JMJD1C: variants seen among roughly 807,000 people sequenced by gnomAD.
JMJD1C encodes jumonji domain containing 1C.
JMJD1C carries 31 observed loss-of-function variants against 245.3 expected under a neutral mutation model. The ratio of observed to expected loss-of-function variants is 0.13; its 90% CI spans 0.09 to 0.17. The LOEUF (loss-of-function observed/expected upper bound fraction) is 0.17. JMJD1C is among the 10% of genes least tolerant of loss of function. JMJD1C has a pLI of 1.00. For synonymous variants in JMJD1C, 1,057 were observed against 1,017.4 expected (o/e 1.04, Z -0.74); for missense variants, 2,691 against 3,000.2 (o/e 0.90, Z 2.41).
In JMJD1C at chr10:63,387,629, A is replaced by ATTTTTTTTTTT. The variant is rs71025169; in HGVS notation, c.169-7158_169-7148dup. Among the ~76,000 whole-genome samples the ATTTTTTTTTTT allele has an allele frequency of 5.8e-4, 22 of 37,864 alleles. 5 individuals carry two copies. The highest frequency in any genetic ancestry group is 2.0e-3 in the East Asian group (2 of 1,020). 24.8% of individuals were successfully genotyped at this position (37,864 alleles called of 152,430 possible). On this transcript the variant is annotated intron_variant, in intron 1 of 25. Coordinates refer to ENST00000399262, the MANE Select transcript of JMJD1C (RefSeq NM_032776.3). Reference sequence around the variant, plus strand: ...AGTCAGAAGAAAAAAGAAAAAAAAAATTTTTTTTTTTTTTTTTTTTTTTTG... The same window carrying ATTTTTTTTTTT: ...AGTCAGAAGAAAAAAGAAAAAAAAAATTTTTTTTTTTTTTTTTTTTTTTTTTTTTTTTTTTG...
intron 1 of JMJD1C, among the ~76,000 whole-genome samples, chr10:63,459,822 TAAGTAA>T (rs1952659388): frequency 6.6e-6 from 1 of 152,176 alleles, no homozygotes; most frequent in East Asian, 1.9e-4. Flanking sequence ...ACTTAAACCT[TAAGTAA>T]ATTTATTCTC....
intron 1 of JMJD1C, among the ~76,000 whole-genome samples, chr10:63,494,909 C>A (rs1954305764): frequency 6.6e-6 from 1 of 152,186 alleles, no homozygotes; most frequent in Non-Finnish European, 1.5e-5. Flanking sequence ...TTCCTCAAAG[C>A]TGAGGTCAAG....
At chr10:63,467,769 A>G (rs1322739938), upstream of JMJD1C, among the ~76,000 whole-genome samples, 1 of 152,248 alleles carries the variant, frequency 6.6e-6, no homozygotes, top group Non-Finnish European at 1.5e-5. Flanking sequence ...ATAAAAGAGT[A>G]GGGAGATCAA....
chr10:63,316,583 G>A (rs1246596938), intron 2 of JMJD1C, among the ~76,000 whole-genome samples: 1 of 152,110 alleles, frequency 6.6e-6, no homozygotes, highest in African/African-American at 2.4e-5. Context: ...AAGTAGCTGA[G>A]ATCCCAGGTG....
At chr10:63,346,956 A>T (rs1175653312) in intron 2 of JMJD1C, among the ~76,000 whole-genome samples, 1 of 151,480 alleles carries the variant, frequency 6.6e-6, no homozygotes, top group Non-Finnish European at 1.5e-5. Context: ...GTCCCCCTAC[A>T]CCCCCGGCCC....
chr10:63,441,894 G>A (rs1951411554), intron 1 of JMJD1C, among the ~76,000 whole-genome samples: 1 of 152,084 alleles, frequency 6.6e-6, no homozygotes, highest in Non-Finnish European at 1.5e-5. Flanking sequence ...TCTTCTCAAT[G>A]TTAACAGCGT....
rs768606002 is a variant in JMJD1C, at chr10:63,259,729, G to T, written c.447+4922C>A. On this transcript the variant is annotated intron_variant, in intron 3 of 25. Coordinates refer to ENST00000399262, the MANE Select transcript of JMJD1C (RefSeq NM_032776.3). Reference sequence around the variant, plus strand: ...AGTCTTTAAGCAATCTTTAGTCCAGGTACTAAGAAAATACTCAGGTTTGTT... The same window carrying T: ...AGTCTTTAAGCAATCTTTAGTCCAGTTACTAAGAAAATACTCAGGTTTGTT... Among the ~76,000 whole-genome samples, 62 of 152,112 alleles carry T rather than the reference G, an allele frequency of 4.1e-4. 1 individual carries two copies. The highest frequency in any genetic ancestry group is 7.4e-4 in the Non-Finnish European group (50 of 68,018).
At chr10:63,189,947 G>A (rs986244534) in intron 17 of JMJD1C, among the ~76,000 whole-genome samples, 1 of 150,454 alleles carries the variant, frequency 6.6e-6, no homozygotes, top group Non-Finnish European at 1.5e-5. Flanking sequence ...CTAGAGTGCA[G>A]TGGTGTGATC....
At chr10:63,389,311 C>CA (rs1185397734) in intron 1 of JMJD1C, among the ~76,000 whole-genome samples, 19,025 of 63,318 alleles carry the variant, frequency 0.3, 2,238 homozygotes, top group Non-Finnish European at 0.36. Context: ...GACCCTGTCT[C>CA]AAAAAAAAAA....
rs1046197494 is a variant in JMJD1C at position 63,184,758 on chromosome 10, C to T, written c.6831-20G>A. The T allele has an allele frequency of 1.9e-6, 3 of 1,589,608 alleles. No homozygotes were observed. The highest frequency in any genetic ancestry group is 2.6e-6 in the Non-Finnish European group (3 of 1,169,766). On this transcript the variant is annotated intron_variant, in intron 20 of 25. Transcript: ENST00000399262. The stretch of plus-strand genomic sequence containing the variant: ...TCGTATCTGAAGAAAAACAACATTG[C>T]CTTCTTATAAATAAAGATTTGCATT...
At chr10:63,223,227 CTG>C (rs1491442405) in intron 3 of JMJD1C, among the ~76,000 whole-genome samples, 4 of 105,382 alleles carry the variant, frequency 3.8e-5, no homozygotes, top group Admixed American at 1.0e-4. Context: ...TTTTTCTGTG[CTG>C]TTTTTTTTTT....
intron 1 of JMJD1C, among the ~76,000 whole-genome samples, chr10:63,401,686 TATAA>T (rs1948866045): frequency 6.6e-6 from 1 of 152,164 alleles, no homozygotes; most frequent in South Asian, 2.1e-4. Context: ...GGGATTGTTT[TATAA>T]ATATCTCCTA....
intron 2 of JMJD1C, among the ~76,000 whole-genome samples, chr10:63,342,048 T>G (rs1446291504): frequency 6.6e-6 from 1 of 152,192 alleles, no homozygotes; most frequent in African/African-American, 2.4e-5. Context: ...GTGTGTCAAG[T>G]GAGAAAAAAG....
intron 1 of JMJD1C, among the ~76,000 whole-genome samples, chr10:63,409,593 TG>T (rs1564890013): frequency 6.6e-6 from 1 of 152,152 alleles, no homozygotes; most frequent in East Asian, 1.9e-4. Flanking sequence ...TCTGGGTCAG[TG>T]GAAGAATGAC....
rs192944197 is a variant in JMJD1C at position 63,229,567 on chromosome 10, A to G, written c.448-9584T>C. 2.6e-5 allele frequency among the ~76,000 whole-genome samples: 4 copies of G among 152,304 alleles called. No homozygotes were observed. The East Asian group carries it at 5.8e-4, about 22-fold the overall frequency. ...TAAATTATTTACATTCTGCAACTAG[A>G]TGAGACAAATTTAGTTTCTGAATAG... is the stretch of plus-strand genomic sequence containing the variant. On this transcript the variant is annotated intron_variant, in intron 3 of 25. Transcript: ENST00000399262.
chr10:63,193,531 T>A (rs1358934410), intron 14 of JMJD1C, 59 bp from the exon 15 acceptor site: 5 of 1,275,296 alleles, frequency 3.9e-6, no homozygotes, highest in Admixed American at 2.5e-5. Context: ...TGCTGTAAAA[T>A]TTTTTTCTTA....
chr10:63,494,734 T>C (rs1370662370), intron 1 of JMJD1C, among the ~76,000 whole-genome samples: 1 of 152,226 alleles, frequency 6.6e-6, no homozygotes, highest in Non-Finnish European at 1.5e-5. Flanking sequence ...ATTGTATTAT[T>C]ACTGACAGAG....
chr10:63,443,533 A>G (rs1951516712), intron 1 of JMJD1C, among the ~76,000 whole-genome samples: 1 of 151,940 alleles, frequency 6.6e-6, no homozygotes, highest in South Asian at 2.1e-4. Flanking sequence ...CTGGTCTCAA[A>G]CTCCTGAGCT....
intron 1 of JMJD1C, among the ~76,000 whole-genome samples, chr10:63,507,663 A>AAAAAAAAAAAC (rs55674385): frequency 2.0e-5 from 3 of 150,918 alleles, no homozygotes; most frequent in Non-Finnish European, 4.4e-5. Flanking sequence ...AAAAAAAAAA[A>AAAAAAAAAAAC]CAGTGGCTGT....
Sources: allele counts gnomAD v4.1 joint callset (sites outside exome capture counted in the v4.1 genomes callset), GRCh38; gene constraint gnomAD v4.1.1; transcripts MANE v1.5; gene names NCBI Gene and HGNC (gene_info 2026-07-23, HGNC 2026-07-21).